ALPK2: variants seen among roughly 807,000 people sequenced by gnomAD.
ALPK2 encodes the protein alpha-protein kinase 2.
Under a neutral mutation model 163.1 loss-of-function variants are expected in ALPK2, and 127 were observed. That is an observed-to-expected ratio of 0.78 (90% CI 0.67 to 0.90). ALPK2 has a LOEUF of 0.90. Among genes scored for constraint, ALPK2 ranks in the 40% least tolerant of loss-of-function variants. ALPK2 has a pLI of 0.00. For missense variants in ALPK2, 2,360 were observed against 2,589.6 expected, an observed-to-expected ratio of 0.91 and a Z score of 1.92; for synonymous variants, 953 against 959.1, an observed-to-expected ratio of 0.99 and a Z score of 0.12.
intron 12 of ALPK2, 103 bp downstream of exon 12, chr18:58,497,946 G>T: frequency 1.0e-6 from 1 of 998,474 alleles, no homozygotes. Flanking sequence ...TCCACAGTTA[G>T]GACAAGAAAT....
chr18:58,620,512 A>G lies in ALPK2; in HGVS notation c.-21+8252T>C, dbSNP rs556210214. Among the ~76,000 whole-genome samples the G allele has an allele frequency of 1.1e-4, 16 of 152,330 alleles. 1 individual carries two copies. In the South Asian group the frequency reaches 3.3e-3, roughly 32 times the overall value. ...ATCAGTGGTGGTTGGAGGTGAGGGCAGTGGGGAGAATGCTAATAATAAATG... is the reference window on the plus strand; with the variant it reads ...ATCAGTGGTGGTTGGAGGTGAGGGCGGTGGGGAGAATGCTAATAATAAATG... On this transcript the variant is annotated intron_variant, in intron 1 of 12. Transcript: ENST00000361673.
At chr18:58,573,256 A>ATATATGTG (rs1301847004) in intron 4 of ALPK2, among the ~76,000 whole-genome samples, 1 of 133,876 alleles carries the variant, frequency 7.5e-6, no homozygotes, top group Admixed American at 7.2e-5. Context: ...GTATATATGT[A>ATATATGTG]TATATGTGTA....
intron 1 of ALPK2, among the ~76,000 whole-genome samples, chr18:58,614,376 T>G (rs1204367971): frequency 6.6e-6 from 1 of 152,220 alleles, no homozygotes; most frequent in East Asian, 1.9e-4. Flanking sequence ...TTCCAATTAT[T>G]TTTGGTTATA....
At chr18:58,530,424 C>T (rs910943723) in intron 5 of ALPK2, among the ~76,000 whole-genome samples, 9 of 152,198 alleles carry the variant, frequency 5.9e-5, no homozygotes, top group African/African-American at 1.9e-4. Flanking sequence ...TTTGGGCCTG[C>T]TGGTTCCTGC....
chr18:58,491,933 C>T (rs138524293), intron 12 of ALPK2, among the ~76,000 whole-genome samples: 185 of 152,362 alleles, frequency 1.2e-3, no homozygotes, highest in Middle Eastern at 6.8e-3. Flanking sequence ...GCTGGGCTGA[C>T]GCCCTGGGTG....
At chr18:58,589,071 T>C (rs2052002257) in intron 3 of ALPK2, among the ~76,000 whole-genome samples, 1 of 152,204 alleles carries the variant, frequency 6.6e-6, no homozygotes, top group Non-Finnish European at 1.5e-5. Flanking sequence ...GAATCATTGA[T>C]TTAAGCTATT....
chr18:58,546,359 G>T (rs1277089935), intron 4 of ALPK2, among the ~76,000 whole-genome samples: 1 of 152,150 alleles, frequency 6.6e-6, no homozygotes, highest in East Asian at 1.9e-4. Flanking sequence ...GGTTTCCATG[G>T]TTCACACCCT....
chr18:58,504,049 C>T lies in ALPK2; in HGVS notation c.6129G>A (p.Arg2043=). ...LIGEFVKYSI[R]DGKEINFLRR... ...TCAAGAAGTTTATTTCTTTCCCATC[C>T]CTGATGGAATACTTCACAAATTCTC... The change falls in exon 11 of 13, where the codon AGG becomes AGA. Residue 2043 remains arginine (R), a synonymous_variant. Coordinates refer to ENST00000361673, the MANE Select transcript of ALPK2 (RefSeq NM_052947.4). The T allele has an allele frequency of 6.2e-7, 1 of 1,614,060 alleles. No individual in the cohort carries two copies. Among genetic ancestry groups the T allele is most frequent in the South Asian group, 1.1e-5 (1 of 91,080 alleles).
intron 5 of ALPK2, 150 bp from the exon 6 acceptor site, chr18:58,529,388 T>A: frequency 1.2e-6 from 1 of 853,804 alleles, no homozygotes; most frequent in Non-Finnish European, 1.7e-6. Context: ...AGAGGTGGCT[T>A]GCCTAAATAG....
chr18:58,481,626 G>A lies in ALPK2; in HGVS notation c.*197C>T. 1.7e-6 allele frequency: 1 copy of A among 598,088 alleles called. No individual in the cohort carries two copies. Among genetic ancestry groups the A allele is most frequent in the Non-Finnish European group, 3.0e-6 (1 of 332,298 alleles). 37.0% of individuals were successfully genotyped at this position (598,088 alleles called of 1,614,324 possible). A position where few individuals can be genotyped will look rare whatever the true frequency, so the allele number is the denominator to read the frequency against. On this transcript the variant is annotated 3_prime_UTR_variant, in exon 13 of 13. Transcript: ENST00000361673. ...TTGATTCAATCTCCCCATAAACCTG[G>A]TCGCAAATCCTGTTCTGAAATCATT...
In ALPK2 at chr18:58,579,895, T is replaced by A; in HGVS notation, c.881A>T (p.Gln294Leu). 6.2e-7 allele frequency: 1 copy of A among 1,614,172 alleles called. No homozygotes were observed. Among genetic ancestry groups the A allele is most frequent in the Non-Finnish European group, 8.5e-7 (1 of 1,180,026 alleles). ...TTCACTGGAAAGCTGTGGGCTGGGT[T>A]GTTTGTTGGCCACGGCACTGTCACC... ...YPGDSAVANK[Q>L]PSPQLSSEDS... The change falls in exon 4 of 13, where the codon CAA becomes CTA. Residue 294 changes from glutamine to leucine, a missense_variant. By Grantham distance (113) the Gln-to-Leu change is moderately radical (BLOSUM62 -2). Coordinates refer to ENST00000361673, the MANE Select transcript of ALPK2 (RefSeq NM_052947.4).
chr18:58,605,316 G>T (rs940904727), intron 3 of ALPK2, among the ~76,000 whole-genome samples: 9 of 152,294 alleles, frequency 5.9e-5, no homozygotes, highest in Middle Eastern at 3.4e-3. Context: ...GCCTGCAAAG[G>T]CTAAAATACT....
At chr18:58,512,752 TTGTGTGTATGTGTA>T (rs2051497638) in intron 10 of ALPK2, among the ~76,000 whole-genome samples, 1 of 142,966 alleles carries the variant, frequency 7.0e-6, no homozygotes, top group Non-Finnish European at 1.5e-5. Flanking sequence ...GTGGTGTGTG[TTGTGTGTATGTGTA>T]TGTGTGTGGT....
chr18:58,541,694 C>T, intron 4 of ALPK2, among the ~76,000 whole-genome samples: 1 of 152,192 alleles, frequency 6.6e-6, no homozygotes, highest in African/African-American at 2.4e-5. Context: ...GTGGAAGTTA[C>T]GTTGAAGCAA....
intron 8 of ALPK2, among the ~76,000 whole-genome samples, chr18:58,521,961 T>C (rs1358417324): frequency 1.3e-5 from 2 of 152,152 alleles, no homozygotes; most frequent in Admixed American, 6.6e-5. Flanking sequence ...AGATCTCAGT[T>C]TCTTACTTTT....
chr18:58,562,004 C>T (rs1344374544), intron 4 of ALPK2, among the ~76,000 whole-genome samples: 1 of 152,214 alleles, frequency 6.6e-6, no homozygotes, highest in East Asian at 1.9e-4. Context: ...ACTCAGTCAG[C>T]ATTCAGTGAT....
At chr18:58,583,386 A>T (rs1442318228) in intron 3 of ALPK2, among the ~76,000 whole-genome samples, 1 of 151,970 alleles carries the variant, frequency 6.6e-6, no homozygotes, top group East Asian at 1.9e-4. Flanking sequence ...TTTCTTAGGG[A>T]TCCCCTTGGC....
intron 5 of ALPK2, among the ~76,000 whole-genome samples, chr18:58,534,502 G>A (rs2051632264): frequency 6.6e-6 from 1 of 152,238 alleles, no homozygotes; most frequent in South Asian, 2.1e-4. Context: ...ATAATGAAAC[G>A]GAAAAGCACC....
intron 6 of ALPK2, among the ~76,000 whole-genome samples, chr18:58,527,121 T>C (rs1474846487): frequency 6.6e-6 from 1 of 151,244 alleles, no homozygotes; most frequent in African/African-American, 2.5e-5. Flanking sequence ...GGTTCCCTCA[T>C]GATTTAGTAA....
Sources: allele counts gnomAD v4.1 joint callset (sites outside exome capture counted in the v4.1 genomes callset), GRCh38; gene constraint gnomAD v4.1.1; transcripts MANE v1.5; gene names NCBI Gene and HGNC (gene_info 2026-07-23, HGNC 2026-07-21).